ZMAT4: variants seen among roughly 807,000 people sequenced by gnomAD.
ZMAT4 encodes zinc finger matrin-type protein 4.
Under a neutral mutation model 28.7 loss-of-function variants are expected in ZMAT4, and 17 were observed. That is an observed-to-expected ratio of 0.59 (90% CI 0.41 to 0.89). The LOEUF is 0.89. ZMAT4 is among the 40% of genes least tolerant of loss of function. ZMAT4 has a pLI of 0.00. For missense variants in ZMAT4, 240 were observed against 283.8 expected, an observed-to-expected ratio of 0.85 and a Z score of 1.11; for synonymous variants, 117 against 109.2, an observed-to-expected ratio of 1.07 and a Z score of -0.44.
chr8:40,745,676 A>G (rs1052484535), intron 3 of ZMAT4, among the ~76,000 whole-genome samples: 4 of 152,152 alleles, frequency 2.6e-5, no homozygotes, highest in African/African-American at 9.7e-5. Context: ...ACTTAGGACA[A>G]TGTTCAGAGC....
chr8:40,618,747 C>T (rs1375850660), intron 5 of ZMAT4, among the ~76,000 whole-genome samples: 2 of 152,048 alleles, frequency 1.3e-5, no homozygotes, highest in East Asian at 3.9e-4. Flanking sequence ...CTGGCTCCCT[C>T]ACGACAGCAC....
chr8:40,547,252 G>A (rs1803232552), intron 6 of ZMAT4, among the ~76,000 whole-genome samples: 1 of 152,132 alleles, frequency 6.6e-6, no homozygotes, highest in Non-Finnish European at 1.5e-5. Context: ...CGGCTGCTGG[G>A]GTTAGCCTGC....
At chr8:40,738,228 G>T (rs1357486074) in intron 3 of ZMAT4, among the ~76,000 whole-genome samples, 10 of 152,026 alleles carry the variant, frequency 6.6e-5, no homozygotes, top group Non-Finnish European at 1.5e-4. Flanking sequence ...TTGGATTGCA[G>T]TGGAGACAAA....
In ZMAT4 at chr8:40,630,093, T is replaced by C. The variant is rs1049913747; in HGVS notation, c.577+44611A>G. Among the ~76,000 whole-genome samples the C allele has an allele frequency of 4.6e-5, 7 of 152,180 alleles. 1 individual carries two copies. The highest frequency in any genetic ancestry group is 2.6e-4 in the Admixed American group (4 of 15,274). On this transcript the variant is annotated intron_variant, in intron 5 of 6. Transcript: ENST00000297737. Reference sequence around the variant, plus strand: ...CTCCACAGGGCAGGTTCTATATTACTTATGCTAGTTCCTCTACCTGAAATG... The same window carrying C: ...CTCCACAGGGCAGGTTCTATATTACCTATGCTAGTTCCTCTACCTGAAATG...
chr8:40,640,215 C>A (rs533884283), intron 5 of ZMAT4, among the ~76,000 whole-genome samples: 1 of 152,144 alleles, frequency 6.6e-6, no homozygotes, highest in Non-Finnish European at 1.5e-5. Context: ...TGGGCCCAAG[C>A]AATCCTCCTG....
intron 1 of ZMAT4, among the ~76,000 whole-genome samples, chr8:40,831,346 C>T (rs1454916312): frequency 1.3e-5 from 2 of 152,178 alleles, no homozygotes; most frequent in South Asian, 2.1e-4. Flanking sequence ...CTTACCCTCT[C>T]GTCCTCCCAC....
chr8:40,773,245 C>T (rs1192408667), intron 2 of ZMAT4, among the ~76,000 whole-genome samples: 1 of 152,012 alleles, frequency 6.6e-6, no homozygotes, highest in Admixed American at 6.5e-5. Flanking sequence ...AAAGCTGGTC[C>T]CTAAAGGAAG....
intron 3 of ZMAT4, among the ~76,000 whole-genome samples, chr8:40,746,434 A>G (rs13270765): frequency 0.97 from 145,395 of 149,246 alleles, 70,928 homozygotes; most frequent in East Asian, 1. Flanking sequence ...CGCAATCTCA[A>G]CTCACTGCAA....
At chr8:40,552,122 A>G (rs143408989) in intron 6 of ZMAT4, among the ~76,000 whole-genome samples, 71 of 152,312 alleles carry the variant, frequency 4.7e-4, no homozygotes, top group Middle Eastern at 3.4e-3. Context: ...ATTAAAATCT[A>G]CTTGGAAAGA....
intron 5 of ZMAT4, among the ~76,000 whole-genome samples, chr8:40,638,080 G>T (rs1451605749): frequency 6.6e-6 from 1 of 152,128 alleles, no homozygotes; most frequent in Non-Finnish European, 1.5e-5. Context: ...GGATAAAGAG[G>T]AGACGTTGGT....
intron 5 of ZMAT4, among the ~76,000 whole-genome samples, chr8:40,655,692 G>T (rs1301546127): frequency 6.6e-6 from 1 of 152,000 alleles, no homozygotes; most frequent in East Asian, 1.9e-4. Context: ...AAGGTGCCAT[G>T]ACAATGCAAT....
intron 1 of ZMAT4, among the ~76,000 whole-genome samples, chr8:40,896,459 G>T (rs1181151710): frequency 6.6e-6 from 1 of 152,212 alleles, no homozygotes; most frequent in East Asian, 1.9e-4. Flanking sequence ...GGTAGGCAGC[G>T]CAACTGGTGA....
At chr8:40,710,083 T>C (rs1280523945) in intron 3 of ZMAT4, among the ~76,000 whole-genome samples, 2 of 149,970 alleles carry the variant, frequency 1.3e-5, no homozygotes, top group South Asian at 2.1e-4. Context: ...CTGAGATATA[T>C]ACATATAGAT....
At chr8:40,828,118 A>G (rs902432428) in intron 1 of ZMAT4, among the ~76,000 whole-genome samples, 11 of 152,226 alleles carry the variant, frequency 7.2e-5, no homozygotes, top group Non-Finnish European at 1.6e-4. Flanking sequence ...AGGATTGCCA[A>G]TTCCAGTGCC....
intron 2 of ZMAT4, among the ~76,000 whole-genome samples, chr8:40,802,666 C>T (rs558557675): frequency 1.3e-5 from 2 of 152,046 alleles, no homozygotes; most frequent in East Asian, 1.9e-4. Context: ...CAATTCAATC[C>T]CAATCAAAAT....
At chr8:40,829,478 T>A (rs1200304870) in intron 1 of ZMAT4, among the ~76,000 whole-genome samples, 1 of 152,146 alleles carries the variant, frequency 6.6e-6, no homozygotes, top group Non-Finnish European at 1.5e-5. Context: ...ATAGCAGTGA[T>A]GGTGTGAGGC....
chr8:40,756,452 A>ATATATATATATATATATATT (rs1812693754), intron 3 of ZMAT4, among the ~76,000 whole-genome samples: 1 of 132,160 alleles, frequency 7.6e-6, no homozygotes, highest in Non-Finnish European at 1.6e-5. Context: ...ATATATATAT[A>ATATATATATATATATATATT]TATATACACA....
At chr8:40,861,304 G>A (rs982540460) in intron 1 of ZMAT4, among the ~76,000 whole-genome samples, 8 of 152,146 alleles carry the variant, frequency 5.3e-5, no homozygotes, top group African/African-American at 1.9e-4. Context: ...TGACAAACCT[G>A]ACAAAAACAA....
At chr8:40,599,403 ATG>A (rs754866050) in intron 5 of ZMAT4, among the ~76,000 whole-genome samples, 16 of 151,842 alleles carry the variant, frequency 1.1e-4, no homozygotes, top group South Asian at 2.1e-4. Flanking sequence ...GTGTATATAT[ATG>A]TGTGTGTGTG....
Sources: gnomAD v4.1 joint callset for allele counts (sites outside exome capture counted in the v4.1 genomes callset) on GRCh38, gnomAD v4.1.1 for gene constraint, MANE v1.5 for transcripts, NCBI Gene and HGNC (gene_info 2026-07-23, HGNC 2026-07-21) for gene names.